Variants in CNTN4 observed in about 807,000 individuals in gnomAD.
CNTN4 encodes the protein contactin-4.
A neutral mutation model predicts 122.5 loss-of-function variants in CNTN4; 77 were observed. The observed-to-expected ratio is 0.63, with a 90% CI of 0.52 to 0.76. The LOEUF (loss-of-function observed/expected upper bound fraction) is 0.76. Ranked by LOEUF, CNTN4 falls within the 30% of genes least tolerant of loss-of-function variation. CNTN4 has a pLI of 0.00. For missense variants in CNTN4, 1,256 were observed against 1,259.1 expected, an observed-to-expected ratio of 1.00 and a Z score of 0.04; for synonymous variants, 512 against 447.0, an observed-to-expected ratio of 1.15 and a Z score of -1.83.
intron 2 of CNTN4, among the ~76,000 whole-genome samples, chr3:2,125,838 G>A (rs543180521): frequency 6.6e-6 from 1 of 151,892 alleles, no homozygotes; most frequent in Non-Finnish European, 1.5e-5. Context: ...TTACAGGCGT[G>A]AGCCACAGCA....
rs113898503 is a variant in CNTN4 at position 2,324,297 on chromosome 3, C to T, written c.-144-14881C>T. On this transcript the variant is annotated intron_variant, in intron 2 of 24. Transcript: ENST00000418658. ...TAGAAGAAATAACTGGATGTGTCTG[C>T]AGCATTTTCTTCCCATGGCATTGCT... is the stretch of plus-strand genomic sequence containing the variant. 1.3e-3 allele frequency among the ~76,000 whole-genome samples: 204 copies of T among 152,178 alleles called. 1 individual carries two copies. The highest frequency in any genetic ancestry group is 4.6e-3 in the African/African-American group (189 of 41,526).
intron 4 of CNTN4, among the ~76,000 whole-genome samples, chr3:2,628,381 G>A (rs2082290510): frequency 6.6e-6 from 1 of 152,168 alleles, no homozygotes; most frequent in Admixed American, 6.5e-5. Context: ...GACACCTTAA[G>A]GGAAATGGCT....
In CNTN4 at chr3:2,153,959, T is replaced by A. The variant is rs116276037; in HGVS notation, c.-145+53320T>A. Among the ~76,000 whole-genome samples the A allele has an allele frequency of 1.0e-3, 157 of 152,326 alleles. 1 individual carries two copies. Among genetic ancestry groups the A allele is most frequent in the African/African-American group, 3.8e-3 (156 of 41,576 alleles). ...AAATCACAAATGTATATGAGAATTA[T>A]GTTTTGTAACTTCTCTTTAGCTCTA... is the stretch of plus-strand genomic sequence containing the variant. On this transcript the variant is annotated intron_variant, in intron 2 of 24. Transcript: ENST00000418658.
intron 2 of CNTN4, among the ~76,000 whole-genome samples, chr3:2,162,677 T>A (rs2036017408): frequency 6.6e-6 from 1 of 152,204 alleles, no homozygotes; most frequent in African/African-American, 2.4e-5. Flanking sequence ...GCCATGTTAC[T>A]TGTCAAAGCC....
intron 3 of CNTN4, among the ~76,000 whole-genome samples, chr3:2,474,217 G>A (rs917295689): frequency 2.6e-5 from 4 of 151,874 alleles, no homozygotes; most frequent in African/African-American, 4.8e-5. Flanking sequence ...CACATATATC[G>A]TAATTGTTTG....
intron 3 of CNTN4, among the ~76,000 whole-genome samples, chr3:2,408,833 A>G (rs1162161286): frequency 6.6e-6 from 1 of 152,178 alleles, no homozygotes; most frequent in Admixed American, 6.6e-5. Flanking sequence ...CTATTTTAGA[A>G]CAATCTTCTC....
At chr3:2,719,573 G>T (rs554070959) in intron 4 of CNTN4, among the ~76,000 whole-genome samples, 1 of 152,134 alleles carries the variant, frequency 6.6e-6, no homozygotes, top group Non-Finnish European at 1.5e-5. Flanking sequence ...CAGGCATTGA[G>T]TGACCACGCC....
chr3:2,557,393 A>C (rs779150754), intron 3 of CNTN4, among the ~76,000 whole-genome samples: 2 of 152,250 alleles, frequency 1.3e-5, no homozygotes, highest in African/African-American at 2.4e-5. Flanking sequence ...TTTTTAGCAT[A>C]CAAGAAGTAC....
intron 3 of CNTN4, among the ~76,000 whole-genome samples, chr3:2,405,509 T>C (rs948204715): frequency 2.0e-5 from 3 of 152,036 alleles, no homozygotes; most frequent in Non-Finnish European, 4.4e-5. Flanking sequence ...AGCTGCAAAA[T>C]TGGAGCAACC....
At chr3:2,582,386 T>C (rs2079982772) in intron 4 of CNTN4, among the ~76,000 whole-genome samples, 1 of 151,742 alleles carries the variant, frequency 6.6e-6, no homozygotes. Context: ...ATTCCAAGTT[T>C]CCCAAACTGT....
intron 3 of CNTN4, 79 bp from the exon 4 acceptor site, chr3:2,571,337 T>A: frequency 1.5e-6 from 1 of 655,854 alleles, no homozygotes; most frequent in Non-Finnish European, 2.8e-6. Context: ...TTTATTGATA[T>A]TTGAGTAAAG....
intron 4 of CNTN4, among the ~76,000 whole-genome samples, chr3:2,639,678 T>C (rs1470407870): frequency 6.6e-6 from 1 of 152,264 alleles, no homozygotes; most frequent in African/African-American, 2.4e-5. Context: ...TGAATGAATT[T>C]TTCTTTGTCT....
chr3:2,356,589 C>A (rs1427509678), intron 3 of CNTN4, among the ~76,000 whole-genome samples: 2 of 152,192 alleles, frequency 1.3e-5, no homozygotes, highest in Non-Finnish European at 2.9e-5. Flanking sequence ...TTTACTTCAA[C>A]CTGTTTTATC....
intron 7 of CNTN4, among the ~76,000 whole-genome samples, chr3:2,833,938 G>A (rs1012060370): frequency 1.3e-4 from 19 of 151,774 alleles, no homozygotes; most frequent in African/African-American, 4.1e-4. Context: ...TCAGGAAATC[G>A]AGACCATCCT....
chr3:2,231,797 G>A (rs1036478641), intron 2 of CNTN4, among the ~76,000 whole-genome samples: 3 of 152,082 alleles, frequency 2.0e-5, no homozygotes, highest in African/African-American at 7.2e-5. Context: ...GAAAATATTT[G>A]AAGTACTCTT....
At chr3:2,582,673 G>A (rs114830186) in intron 4 of CNTN4, among the ~76,000 whole-genome samples, 1,922 of 152,306 alleles carry the variant, frequency 0.013, 33 homozygotes, top group African/African-American at 0.044. Flanking sequence ...AGAGGGCAAA[G>A]GAGGGCAGCC....
intron 2 of CNTN4, among the ~76,000 whole-genome samples, chr3:2,253,594 C>T (rs1180396783): frequency 2.0e-5 from 3 of 151,896 alleles, no homozygotes; most frequent in African/African-American, 7.3e-5. Flanking sequence ...CTACTAATCT[C>T]ATCTTTATTG....
chr3:2,279,807 C>A (rs921247675), intron 2 of CNTN4, among the ~76,000 whole-genome samples: 1 of 151,274 alleles, frequency 6.6e-6, no homozygotes, highest in Non-Finnish European at 1.5e-5. Context: ...TCTAAAAATT[C>A]TCACAATTCT....
intron 4 of CNTN4, among the ~76,000 whole-genome samples, chr3:2,669,569 C>A (rs7427799): frequency 0.17 from 26,130 of 151,836 alleles, 2,373 homozygotes; most frequent in African/African-American, 0.22. Context: ...TTTTTTTGAA[C>A]GGTTTTTTGT....
Sources: allele counts gnomAD v4.1 joint callset (sites outside exome capture counted in the v4.1 genomes callset), GRCh38; gene constraint gnomAD v4.1.1; transcripts MANE v1.5; gene names NCBI Gene and HGNC (gene_info 2026-07-23, HGNC 2026-07-21).